UTP20: variants seen among roughly 807,000 people sequenced by gnomAD.
The protein encoded by UTP20 is small subunit processome component 20 homolog.
UTP20 carries 164 observed loss-of-function variants against 329.5 expected under a neutral mutation model. The observed-to-expected ratio is 0.50, with a 90% CI of 0.44 to 0.57. The LOEUF is 0.57. UTP20 is among the 20% of genes least tolerant of loss of function. UTP20 has a pLI of 0.00. For missense variants in UTP20, 3,055 were observed against 3,284.2 expected (o/e 0.93, Z 1.71); for synonymous variants, 1,151 against 1,159.3 (o/e 0.99, Z 0.14).
intron 15 of UTP20, among the ~76,000 whole-genome samples, 200 bp downstream of exon 15, chr12:101,302,753 T>C (rs1287749025): frequency 6.6e-6 from 1 of 152,250 alleles, no homozygotes; most frequent in Admixed American, 6.5e-5. Context: ...GATTCATCTT[T>C]GTAAAGGGTG....
intron 38 of UTP20, among the ~76,000 whole-genome samples, chr12:101,347,596 T>C (rs537908050): frequency 4.1e-4 from 63 of 152,348 alleles, no homozygotes; most frequent in Admixed American, 2.4e-3. Flanking sequence ...TGTCAGGATT[T>C]GTGACTTAAA....
intron 39 of UTP20, among the ~76,000 whole-genome samples, 167 bp downstream of exon 39, chr12:101,352,361 C>A (rs569460846): frequency 1.3e-5 from 2 of 152,102 alleles, no homozygotes; most frequent in African/African-American, 4.8e-5. Flanking sequence ...AATAAACATA[C>A]GTGTGCATGT....
intron 27 of UTP20, among the ~76,000 whole-genome samples, chr12:101,332,364 G>A (rs531075263): frequency 1.3e-5 from 2 of 152,166 alleles, no homozygotes; most frequent in Admixed American, 6.5e-5. Context: ...AATGTCTTTC[G>A]CATTTTCAGT....
chr12:101,361,669 A>G (rs1869925342), intron 43 of UTP20, among the ~76,000 whole-genome samples: 2 of 120,976 alleles, frequency 1.7e-5, no homozygotes, highest in South Asian at 2.7e-4. Flanking sequence ...ATAAATAAAT[A>G]AATAAATAAA....
intron 41 of UTP20, 28 bp downstream of exon 41, chr12:101,355,146 G>A: frequency 6.3e-7 from 1 of 1,597,184 alleles, no homozygotes; most frequent in Non-Finnish European, 8.5e-7. Context: ...GGTCCAGCAG[G>A]TCTGTGTGAA....
intron 38 of UTP20, among the ~76,000 whole-genome samples, chr12:101,350,884 G>A (rs1322069589): frequency 6.6e-6 from 1 of 152,080 alleles, no homozygotes. Context: ...TTTCCTCTGT[G>A]CAGCTCTCCT....
At chr12:101,337,864 G>A (rs1249686498) in intron 29 of UTP20, among the ~76,000 whole-genome samples, 187 bp from the exon 30 acceptor site, 1 of 152,086 alleles carries the variant, frequency 6.6e-6, no homozygotes, top group East Asian at 1.9e-4. Context: ...AAGTGCCTAA[G>A]TAATATGTTT....
chr12:101,309,201 A>G (rs1872716286), intron 18 of UTP20, among the ~76,000 whole-genome samples: 1 of 152,186 alleles, frequency 6.6e-6, no homozygotes, highest in Admixed American at 6.5e-5. Flanking sequence ...TTTCATTTGG[A>G]AAAAAGACTG....
chr12:101,319,498 T>C, intron 22 of UTP20, 47 bp from the exon 23 acceptor site: 1 of 1,441,110 alleles, frequency 6.9e-7, no homozygotes, highest in Non-Finnish European at 9.5e-7. Context: ...AAGAAAATGA[T>C]CTCAATTCTT....
At chr12:101,289,101 G>C in intron 6 of UTP20, 60 bp downstream of exon 6, 2 of 1,467,324 alleles carry the variant, frequency 1.4e-6, no homozygotes, top group Non-Finnish European at 1.9e-6. Context: ...AATAGGCCAG[G>C]CGTGGTGGCT....
chr12:101,336,596 A>G (rs1868941287), intron 29 of UTP20, among the ~76,000 whole-genome samples: 1 of 152,206 alleles, frequency 6.6e-6, no homozygotes, highest in Admixed American at 6.5e-5. Context: ...TAGTCACCAC[A>G]GCCCCAGCAT....
intron 11 of UTP20, among the ~76,000 whole-genome samples, chr12:101,294,699 C>A (rs1000433906): frequency 2.0e-5 from 3 of 151,932 alleles, no homozygotes; most frequent in Non-Finnish European, 4.4e-5. Context: ...TGTGCCCCCA[C>A]GCCTGGCTAA....
chr12:101,290,235 C>T lies in UTP20; in HGVS notation c.696C>T (p.Cys232=). 1.2e-6 allele frequency: 2 copies of T among 1,608,942 alleles called. No homozygotes were observed. The highest frequency in any genetic ancestry group is 1.7e-6 in the Non-Finnish European group (2 of 1,177,520). The change falls in exon 7 of 62, where the codon TGC becomes TGT. Residue 232 remains cysteine (C), a synonymous_variant. Coordinates refer to ENST00000261637, the MANE Select transcript of UTP20 (RefSeq NM_014503.3). ...EGVGQLLFEM[C]KGVRNMFHSC... ...TTGGACAGTTGCTCTTTGAAATGTG[C>T]AAAGGAGTTAGAAATATGTTTCACT... is the stretch of plus-strand genomic sequence containing the variant.
intron 33 of UTP20, 47 bp downstream of exon 33, chr12:101,342,636 TA>T (rs753100184): frequency 1.3e-6 from 2 of 1,570,520 alleles, no homozygotes; most frequent in Non-Finnish European, 1.7e-6. Flanking sequence ...TAAAAAAATG[TA>T]ATTATGACTT....
intron 46 of UTP20, 150 bp from the exon 47 acceptor site, chr12:101,366,408 C>T (rs1356319388): frequency 2.4e-6 from 2 of 829,380 alleles, no homozygotes; most frequent in East Asian, 2.5e-5. Context: ...TTCTGTATCT[C>T]ATGGTTTGGG....
At chr12:101,365,843 T>G (rs544147538) in intron 46 of UTP20, among the ~76,000 whole-genome samples, 1 of 152,362 alleles carries the variant, frequency 6.6e-6, no homozygotes, top group East Asian at 1.9e-4. Flanking sequence ...TGATACCATT[T>G]TTTAAAAAGA....
chr12:101,358,961 A>G (rs1255944610), intron 43 of UTP20, among the ~76,000 whole-genome samples: 1 of 152,148 alleles, frequency 6.6e-6, no homozygotes, highest in Non-Finnish European at 1.5e-5. Flanking sequence ...CAGTTTGATC[A>G]TGATGTGTCT....
chr12:101,374,688 A>T, intron 54 of UTP20, 120 bp from the exon 55 acceptor site: 1 of 627,948 alleles, frequency 1.6e-6, no homozygotes, highest in South Asian at 3.0e-5. Flanking sequence ...TTCTGGCATC[A>T]GAAAGAAATG....
intron 61 of UTP20, 38 bp from the exon 62 acceptor site, chr12:101,385,930 C>T: frequency 6.7e-7 from 1 of 1,498,572 alleles, no homozygotes; most frequent in Non-Finnish European, 9.0e-7. Flanking sequence ...TTAACATTTA[C>T]TTTAAAAGTA....
Sources: allele counts gnomAD v4.1 joint callset (sites outside exome capture counted in the v4.1 genomes callset), GRCh38; gene constraint gnomAD v4.1.1; transcripts MANE v1.5; gene names NCBI Gene and HGNC (gene_info 2026-07-23, HGNC 2026-07-21).